The following AOPEP variants were observed in gnomAD, a reference collection of about 807,000 sequenced individuals.
AOPEP encodes aminopeptidase O.
AOPEP carries 77 observed loss-of-function variants against 98.1 expected under a neutral mutation model. The ratio of observed to expected loss-of-function variants is 0.78; its 90% CI spans 0.65 to 0.95. The LOEUF is 0.95. AOPEP is among the 40% of genes least tolerant of loss of function. The probability of loss-of-function intolerance (pLI) is 0.00; values close to 1 mark genes in which losing one functional copy is unlikely to be tolerated. For missense variants in AOPEP, 1,024 were observed against 1,024.7 expected, an observed-to-expected ratio of 1.00 and a Z score of 0.01; for synonymous variants, 346 against 365.3, an observed-to-expected ratio of 0.95 and a Z score of 0.60.
At chr9:94,757,889 ATAGCCAATGGAT>A (rs1472873381) in intron 1 of AOPEP, among the ~76,000 whole-genome samples, 1 of 152,240 alleles carries the variant, frequency 6.6e-6, no homozygotes, top group Non-Finnish European at 1.5e-5. Flanking sequence ...TTACATAGAA[ATAGCCAATGGAT>A]TTATCGAAGG....
chr9:94,763,383 C>T (rs1838824056), intron 2 of AOPEP: 1 of 209,410 alleles, frequency 4.8e-6, no homozygotes, highest in Non-Finnish European at 1.0e-5. Context: ...TGTACTGTAT[C>T]CCAGCTGAGA....
chr9:95,113,043 T>C, the AOPEP span, among the ~76,000 whole-genome samples: 1 of 152,238 alleles, frequency 6.6e-6, no homozygotes, highest in Admixed American at 6.5e-5. Context: ...ATCTACGTCC[T>C]GTCCCCGAGT....
At chr9:94,922,652 G>A (rs924565560) in intron 5 of AOPEP, among the ~76,000 whole-genome samples, 1 of 151,268 alleles carries the variant, frequency 6.6e-6, no homozygotes, top group African/African-American at 2.4e-5. Flanking sequence ...TTTCCCCTGA[G>A]TTAGTGCTCT....
chr9:94,800,913 A>G lies in AOPEP; in HGVS notation c.1275A>G (p.Ser425=). The G allele has an allele frequency of 6.2e-7, 1 of 1,614,104 alleles. No homozygotes were observed. The highest frequency in any genetic ancestry group is 8.5e-7 in the Non-Finnish European group (1 of 1,180,024). The part of the protein sequence containing the change: ...TLLRLIPPCL[S]AAHSVLGAHP... ...TGCGGCTGATCCCTCCTTGCCTCTCAGCAGCACATTCTGTTCTGGGAGCAC... is the reference window on the plus strand; with the variant it reads ...TGCGGCTGATCCCTCCTTGCCTCTCGGCAGCACATTCTGTTCTGGGAGCAC... Residue 425 remains serine (S), a synonymous_variant, in exon 5 of 17, where the codon TCA becomes TCG. Transcript: ENST00000375315.
At chr9:95,130,143 C>T in the AOPEP span, among the ~76,000 whole-genome samples, 1 of 152,144 alleles carries the variant, frequency 6.6e-6, no homozygotes, top group Non-Finnish European at 1.5e-5. Flanking sequence ...TGTGCCCGGT[C>T]CTTGATGTTT....
intron 5 of AOPEP, among the ~76,000 whole-genome samples, chr9:94,885,461 G>GCAC (rs1473789061): frequency 6.8e-6 from 1 of 147,706 alleles, no homozygotes; most frequent in Non-Finnish European, 1.5e-5. Context: ...TTTACTGAAT[G>GCAC]CACGTGGCTA....
chr9:94,756,095 C>T (rs1441733427), intron 1 of AOPEP, among the ~76,000 whole-genome samples: 1 of 151,298 alleles, frequency 6.6e-6, no homozygotes, highest in Non-Finnish European at 1.5e-5. Flanking sequence ...CTGTCTCTAC[C>T]AAAAATACAA....
chr9:94,783,723 TTCTC>T (rs1843786098), intron 3 of AOPEP, among the ~76,000 whole-genome samples: 1 of 152,118 alleles, frequency 6.6e-6, no homozygotes, highest in African/African-American at 2.4e-5. Context: ...GATATATACA[TTCTC>T]TATAGTATGT....
intron 5 of AOPEP, among the ~76,000 whole-genome samples, chr9:94,901,266 A>G (rs933632965): frequency 6.6e-6 from 1 of 152,214 alleles, no homozygotes; most frequent in Non-Finnish European, 1.5e-5. Context: ...AGAGTATTCA[A>G]GTTTGCTCAA....
At chr9:94,985,110 G>T (rs953981997) in intron 11 of AOPEP, among the ~76,000 whole-genome samples, 1 of 152,242 alleles carries the variant, frequency 6.6e-6, no homozygotes, top group Non-Finnish European at 1.5e-5. Flanking sequence ...GTGCTCAGCC[G>T]CCAGTTCCTG....
At chr9:94,824,182 GAAC>G (rs1014366062) in intron 5 of AOPEP, 4 of 152,028 alleles carry the variant, frequency 2.6e-5, no homozygotes, top group Non-Finnish European at 4.4e-5. Context: ...CGTTTTTTAG[GAAC>G]AACAACAGTC....
the AOPEP span, among the ~76,000 whole-genome samples, chr9:95,148,408 T>C: frequency 1.3e-5 from 2 of 152,230 alleles, no homozygotes; most frequent in African/African-American, 4.8e-5. Flanking sequence ...AGTCACATTT[T>C]AGGATTAGGC....
intron 13 of AOPEP, among the ~76,000 whole-genome samples, chr9:95,042,731 G>T (rs906132306): frequency 6.6e-6 from 1 of 152,018 alleles, no homozygotes; most frequent in African/African-American, 2.4e-5. Flanking sequence ...TGTCTTTTTG[G>T]TTCTCTCTCT....
intron 7 of AOPEP, chr9:94,933,397 C>T (rs2055699394): frequency 1.0e-6 from 1 of 985,284 alleles, no homozygotes; most frequent in Non-Finnish European, 1.2e-6. Flanking sequence ...ATTATGACTT[C>T]TCTTTTTTTC....
At chr9:94,887,875 A>G (rs930196112) in intron 5 of AOPEP, among the ~76,000 whole-genome samples, 1 of 152,236 alleles carries the variant, frequency 6.6e-6, no homozygotes, top group East Asian at 1.9e-4. Flanking sequence ...AAGTGAAACA[A>G]GCCTCTACAG....
intron 14 of AOPEP, among the ~76,000 whole-genome samples, chr9:95,073,456 A>C (rs2068703286): frequency 6.7e-6 from 1 of 149,358 alleles, no homozygotes; most frequent in Non-Finnish European, 1.5e-5. Context: ...CATTTTAAAA[A>C]AAGAAAGAAG....
At chr9:94,956,500 A>G (rs1033197571) in intron 9 of AOPEP, among the ~76,000 whole-genome samples, 4 of 152,236 alleles carry the variant, frequency 2.6e-5, no homozygotes, top group Non-Finnish European at 5.9e-5. Context: ...CACTCTACGT[A>G]TATGCCCAAC....
At chr9:95,030,622 G>A (rs757720700) in intron 13 of AOPEP, among the ~76,000 whole-genome samples, 33 of 152,198 alleles carry the variant, frequency 2.2e-4, no homozygotes, top group Non-Finnish European at 4.1e-4. Context: ...TTGCCTTTCT[G>A]CATGTGGCCA....
At chr9:94,756,367 C>T (rs1837048299) in intron 1 of AOPEP, among the ~76,000 whole-genome samples, 1 of 151,820 alleles carries the variant, frequency 6.6e-6, no homozygotes, top group African/African-American at 2.4e-5. Flanking sequence ...AGTTCAAGAC[C>T]AGCCTGGGCA....
Sources: allele counts gnomAD v4.1 joint callset (sites outside exome capture counted in the v4.1 genomes callset), GRCh38; gene constraint gnomAD v4.1.1; transcripts MANE v1.5; gene names NCBI Gene and HGNC (gene_info 2026-07-23, HGNC 2026-07-21).